Variants in SCLT1 observed in about 807,000 individuals in gnomAD.
SCLT1 encodes the protein sodium channel and clathrin linker 1, also known as sodium channel-associated protein 1.
Under a neutral mutation model 112.8 loss-of-function variants are expected in SCLT1, and 78 were observed. The ratio of observed to expected loss-of-function variants is 0.69; its 90% CI spans 0.58 to 0.83. SCLT1 has a LOEUF of 0.83. Ranked by LOEUF, SCLT1 falls within the 40% of genes least tolerant of loss-of-function variation. The pLI is 0.00. For missense variants in SCLT1, 747 were observed against 770.4 expected (o/e 0.97, Z 0.36); for synonymous variants, 257 against 254.7 (o/e 1.01, Z -0.09).
chr4:129,081,310 G>A (rs549957620), intron 2 of SCLT1, among the ~76,000 whole-genome samples: 23 of 152,300 alleles, frequency 1.5e-4, no homozygotes, highest in South Asian at 2.1e-4. Context: ...AGGTGGAGCC[G>A]AAGAGCTCTG....
At chr4:128,935,485 T>C (rs993349281) in intron 18 of SCLT1, among the ~76,000 whole-genome samples, 4 of 152,064 alleles carry the variant, frequency 2.6e-5, no homozygotes, top group African/African-American at 9.7e-5. Context: ...ATCTGTGTAT[T>C]CATTATCTAT....
At chr4:129,088,319 A>G (rs1381082648) in intron 1 of SCLT1, among the ~76,000 whole-genome samples, 1 of 152,222 alleles carries the variant, frequency 6.6e-6, no homozygotes, top group Non-Finnish European at 1.5e-5. Flanking sequence ...TTAAAAATCC[A>G]GCATCCATTT....
chr4:129,093,523 G>A lies in SCLT1; in HGVS notation c.-420C>T. 5.6e-6 allele frequency: 1 copy of A among 178,702 alleles called. No individual in the cohort carries two copies. Among genetic ancestry groups the A allele is most frequent in the South Asian group, 1.4e-4 (1 of 7,238 alleles). The allele number at this position is 178,702 out of a possible 1,614,324, so 11.1% of individuals were successfully genotyped here. A position where few individuals can be genotyped will look rare whatever the true frequency, so the allele number is the denominator to read the frequency against. On this transcript the variant is annotated 5_prime_UTR_variant, in exon 1 of 21. Transcript: ENST00000281142. ...ACGCCAAGACGGCTGGGAAGCCCCA[G>A]GCCAGCAGCGGAAGTCCACTCGGCC...
At chr4:129,024,997 GA>G (rs1348684892) in intron 5 of SCLT1, among the ~76,000 whole-genome samples, 1 of 152,042 alleles carries the variant, frequency 6.6e-6, no homozygotes, top group Non-Finnish European at 1.5e-5. Context: ...GAAGTTTAGA[GA>G]AAAAAGAATA....
chr4:129,018,709 A>C (rs533796934), intron 5 of SCLT1, among the ~76,000 whole-genome samples: 2 of 152,206 alleles, frequency 1.3e-5, no homozygotes, highest in Non-Finnish European at 2.9e-5. Flanking sequence ...TAATTAAAAA[A>C]TAAATTTACA....
intron 18 of SCLT1, among the ~76,000 whole-genome samples, chr4:128,909,383 A>G (rs528001049): frequency 6.6e-6 from 1 of 152,172 alleles, no homozygotes; most frequent in Admixed American, 6.5e-5. Context: ...CCAAGTAGCT[A>G]GAACTACAGG....
In SCLT1 at chr4:128,997,957, G is replaced by C. The variant is rs539194713; in HGVS notation, c.550-18C>G. 8.0e-6 allele frequency: 11 copies of C among 1,378,390 alleles called. No individual in the cohort carries two copies. The African/African-American group carries it at 1.3e-4, about 17-fold the overall frequency. 85.4% of individuals were successfully genotyped at this position (1,378,390 alleles called of 1,614,324 possible). ...AGCTGATCCTACAGTGGGAAGGTAA[G>C]GGGAGTATATAAATAGCATTTTGTT... On this transcript the variant is annotated intron_variant, in intron 7 of 20. Coordinates refer to ENST00000281142, the MANE Select transcript of SCLT1 (RefSeq NM_144643.4).
chr4:128,914,103 C>T (rs1040747959), intron 18 of SCLT1, among the ~76,000 whole-genome samples: 2 of 152,158 alleles, frequency 1.3e-5, no homozygotes, highest in Admixed American at 6.5e-5. Context: ...CGGTGGCTCA[C>T]GCCTGTAATC....
chr4:129,017,200 G>T (rs1006112563), intron 5 of SCLT1, among the ~76,000 whole-genome samples: 1 of 151,624 alleles, frequency 6.6e-6, no homozygotes, highest in African/African-American at 2.4e-5. Context: ...TTTGTGGGGG[G>T]GGAATTTGTA....
At chr4:129,048,217 G>A (rs929292918) in intron 2 of SCLT1, among the ~76,000 whole-genome samples, 1 of 152,114 alleles carries the variant, frequency 6.6e-6, no homozygotes, top group Non-Finnish European at 1.5e-5. Context: ...CACGCTACCT[G>A]ACTTAAAACT....
At chr4:129,030,523 G>A (rs1043054404) in intron 5 of SCLT1, among the ~76,000 whole-genome samples, 1 of 152,090 alleles carries the variant, frequency 6.6e-6, no homozygotes, top group Admixed American at 6.6e-5. Context: ...GAATCCAGGA[G>A]CTGGTTTTTT....
chr4:128,900,743 C>T (rs1027447635), intron 18 of SCLT1, among the ~76,000 whole-genome samples: 2 of 152,118 alleles, frequency 1.3e-5, no homozygotes, highest in Non-Finnish European at 2.9e-5. Flanking sequence ...AACAGGCAAC[C>T]TACAGAACAG....
chr4:128,956,540 A>T (rs1176736514), intron 13 of SCLT1, among the ~76,000 whole-genome samples: 1 of 152,086 alleles, frequency 6.6e-6, no homozygotes, highest in African/African-American at 2.4e-5. Context: ...TTTTTTCTTT[A>T]CACCATGATT....
intron 5 of SCLT1, among the ~76,000 whole-genome samples, chr4:129,021,263 C>T (rs1336370378): frequency 1.3e-5 from 2 of 152,154 alleles, no homozygotes; most frequent in East Asian, 3.9e-4. Context: ...GCCTAAACCA[C>T]CAGGGCCCTG....
chr4:128,965,110 A>G (rs1740063519), intron 11 of SCLT1, 117 bp downstream of exon 11: 1 of 594,896 alleles, frequency 1.7e-6, no homozygotes, highest in South Asian at 2.4e-5. Context: ...ACCTATGATT[A>G]TAGTTTTGAT....
At chr4:128,924,687 C>T (rs1291814950) in intron 18 of SCLT1, among the ~76,000 whole-genome samples, 2 of 151,810 alleles carry the variant, frequency 1.3e-5, no homozygotes, top group African/African-American at 4.8e-5. Flanking sequence ...TATTGTTTTC[C>T]TTTTTTATGC....
chr4:128,888,097 G>A (rs1490830226), intron 20 of SCLT1, among the ~76,000 whole-genome samples: 2 of 152,000 alleles, frequency 1.3e-5, no homozygotes, highest in African/African-American at 4.8e-5. Flanking sequence ...CTTGAAATCT[G>A]ACTAGTATGA....
chr4:128,891,208 T>A, intron 18 of SCLT1, 71 bp from the exon 19 acceptor site: 1 of 1,154,792 alleles, frequency 8.7e-7, no homozygotes, highest in Non-Finnish European at 1.3e-6. Flanking sequence ...ATTAGCAAGA[T>A]ACATGTTCAT....
At chr4:129,003,910 G>A (rs1743762001) in intron 5 of SCLT1, 34 bp from the exon 6 acceptor site, 7 of 1,597,340 alleles carry the variant, frequency 4.4e-6, no homozygotes, top group Non-Finnish European at 6.0e-6. Flanking sequence ...ATAGCCTCAA[G>A]TCATTTTCGT....
Sources: allele counts gnomAD v4.1 joint callset (sites outside exome capture counted in the v4.1 genomes callset), GRCh38; gene constraint gnomAD v4.1.1; transcripts MANE v1.5; gene names NCBI Gene and HGNC (gene_info 2026-07-23, HGNC 2026-07-21).